ATP8A2: variants seen among roughly 807,000 people sequenced by gnomAD.
ATP8A2 encodes phospholipid-transporting ATPase IB.
Under a neutral mutation model 165.6 loss-of-function variants are expected in ATP8A2, and 100 were observed. The observed-to-expected ratio is 0.60, with a 90% CI of 0.51 to 0.71. The LOEUF is 0.71. Among genes scored for constraint, ATP8A2 ranks in the 30% least tolerant of loss-of-function variants. The pLI is 0.00. For synonymous variants in ATP8A2, 543 were observed against 548.8 expected (o/e 0.99, Z 0.15); for missense variants, 1,227 against 1,479.5 (o/e 0.83, Z 2.80).
intron 6 of ATP8A2, among the ~76,000 whole-genome samples, chr13:25,535,510 A>G (rs1280439489): frequency 6.6e-6 from 1 of 152,168 alleles, no homozygotes; most frequent in Non-Finnish European, 1.5e-5. Flanking sequence ...AGGAACAATC[A>G]TGTAAGAACA....
chr13:25,478,640 G>T (rs1190258212), intron 2 of ATP8A2, among the ~76,000 whole-genome samples: 1 of 152,060 alleles, frequency 6.6e-6, no homozygotes, highest in African/African-American at 2.4e-5. Context: ...AATGATTTGG[G>T]GTTGAGTTTG....
chr13:25,637,853 C>T (rs1009043236), intron 24 of ATP8A2, among the ~76,000 whole-genome samples: 3 of 152,168 alleles, frequency 2.0e-5, no homozygotes, highest in African/African-American at 7.2e-5. Context: ...TGGGAGGCAT[C>T]CCCAAGTAGG....
intron 25 of ATP8A2, among the ~76,000 whole-genome samples, chr13:25,735,367 G>A (rs1306967810): frequency 1.3e-5 from 2 of 151,968 alleles, no homozygotes; most frequent in Non-Finnish European, 2.9e-5. Context: ...TTGTGCGATT[G>A]TTCCACTTCA....
chr13:25,553,466 A>G (rs2038885129), intron 11 of ATP8A2, among the ~76,000 whole-genome samples: 1 of 152,148 alleles, frequency 6.6e-6, no homozygotes, highest in Non-Finnish European at 1.5e-5. Context: ...CTTCTTTTCT[A>G]CATTCTTTCA....
chr13:25,945,001 G>A (rs1593603094), intron 33 of ATP8A2, among the ~76,000 whole-genome samples: 1 of 152,258 alleles, frequency 6.6e-6, no homozygotes, highest in African/African-American at 2.4e-5. Flanking sequence ...GGAAAGAAGG[G>A]TTTGATAGAA....
At chr13:25,728,129 C>A (rs567359327) in intron 25 of ATP8A2, among the ~76,000 whole-genome samples, 258 of 152,184 alleles carry the variant, frequency 1.7e-3, no homozygotes, top group African/African-American at 5.8e-3. Flanking sequence ...AAGCAAAAAC[C>A]GGTTTTTATA....
intron 33 of ATP8A2, among the ~76,000 whole-genome samples, chr13:25,943,259 C>G (rs1002210357): frequency 1.3e-5 from 2 of 152,178 alleles, no homozygotes; most frequent in East Asian, 3.9e-4. Flanking sequence ...ATGCTGTCAA[C>G]TGGAGGCTTC....
intron 30 of ATP8A2, among the ~76,000 whole-genome samples, chr13:25,848,958 A>G (rs1281691504): frequency 2.0e-5 from 3 of 147,512 alleles, no homozygotes; most frequent in African/African-American, 7.5e-5. Flanking sequence ...GCTAGTTGGG[A>G]TGGGGTGCGC....
At chr13:25,829,203 C>T (rs921781265) in intron 28 of ATP8A2, among the ~76,000 whole-genome samples, 5 of 152,150 alleles carry the variant, frequency 3.3e-5, no homozygotes, top group African/African-American at 1.2e-4. Context: ...TCAGACACCT[C>T]CAAGGAGGAC....
chr13:25,997,607 T>C (rs1028285715), intron 35 of ATP8A2, among the ~76,000 whole-genome samples: 3 of 152,096 alleles, frequency 2.0e-5, no homozygotes, highest in Non-Finnish European at 4.4e-5. Context: ...CAAGGCTCTG[T>C]TAATTTTTAT....
intron 25 of ATP8A2, among the ~76,000 whole-genome samples, chr13:25,721,708 A>T (rs1021306402): frequency 3.3e-5 from 5 of 152,184 alleles, no homozygotes; most frequent in Admixed American, 1.3e-4. Flanking sequence ...GCAGTCTTGC[A>T]TGTGTCTGTC....
chr13:25,608,217 GAGGGAACAGGTATGCCA>G (rs1396000708), intron 24 of ATP8A2, among the ~76,000 whole-genome samples: 2 of 152,228 alleles, frequency 1.3e-5, no homozygotes, highest in Non-Finnish European at 2.9e-5. Flanking sequence ...TAAGGTCAAA[GAGGGAACAGGTATGCCA>G]AGAGGGCCTG....
intron 1 of ATP8A2, among the ~76,000 whole-genome samples, chr13:25,467,701 T>G (rs942817422): frequency 2.0e-5 from 3 of 151,964 alleles, no homozygotes; most frequent in Non-Finnish European, 2.9e-5. Context: ...ACAGGCGCCC[T>G]CCACCTTGCC....
At chr13:25,529,766 A>G (rs939883157) in intron 2 of ATP8A2, among the ~76,000 whole-genome samples, 2 of 152,218 alleles carry the variant, frequency 1.3e-5, no homozygotes, top group African/African-American at 4.8e-5. Context: ...AAAGAAGCAC[A>G]TGTATATCTT....
intron 1 of ATP8A2, among the ~76,000 whole-genome samples, chr13:25,373,430 T>A (rs2032498435): frequency 6.6e-6 from 1 of 151,972 alleles, no homozygotes; most frequent in Admixed American, 6.6e-5. Flanking sequence ...CCTGAAGGGG[T>A]CACGGGGTGC....
At chr13:25,665,896 T>A (rs2042143414) in intron 24 of ATP8A2, among the ~76,000 whole-genome samples, 1 of 149,296 alleles carries the variant, frequency 6.7e-6, no homozygotes, top group Admixed American at 6.7e-5. Flanking sequence ...TAATAAAATA[T>A]GTTCATAATA....
At chr13:25,468,791 C>T (rs1030002598) in intron 1 of ATP8A2, 186 bp from the exon 2 acceptor site, 2 of 978,130 alleles carry the variant, frequency 2.0e-6, no homozygotes, top group Non-Finnish European at 2.4e-6. Flanking sequence ...GGGGCGGGGC[C>T]GGCCTTGGCT....
intron 27 of ATP8A2, among the ~76,000 whole-genome samples, chr13:25,820,945 G>T (rs1951164260): frequency 6.6e-6 from 1 of 150,884 alleles, no homozygotes; most frequent in Non-Finnish European, 1.5e-5. Context: ...TTGGCTTTGG[G>T]TTTGTTTTTT....
intron 33 of ATP8A2, among the ~76,000 whole-genome samples, chr13:25,894,049 T>C (rs1281683097): frequency 6.6e-6 from 1 of 152,218 alleles, no homozygotes; most frequent in Admixed American, 6.5e-5. Context: ...TAGATCCCAT[T>C]TGTCAACTTT....
Sources: allele counts gnomAD v4.1 joint callset (sites outside exome capture counted in the v4.1 genomes callset), GRCh38; gene constraint gnomAD v4.1.1; transcripts MANE v1.5; gene names NCBI Gene and HGNC (gene_info 2026-07-23, HGNC 2026-07-21).